Variants in MPRIP observed in about 807,000 individuals in gnomAD.
MPRIP encodes myosin phosphatase Rho interacting protein.
In MPRIP, 59 loss-of-function variants were observed where a neutral mutation model predicts 234.9. The observed-to-expected ratio is 0.25, with a 90% confidence interval of 0.20 to 0.31. The LOEUF (loss-of-function observed/expected upper bound fraction) is 0.31, where lower values mean the gene tolerates loss of function less well. Among genes scored for constraint, MPRIP ranks in the 10% least tolerant of loss-of-function variants. The pLI, the probability that MPRIP is intolerant of heterozygous loss-of-function variation, is 1.00. For synonymous variants in MPRIP, 1,144 were observed against 1,263.9 expected, an observed-to-expected ratio of 0.91 and a Z score of 2.01; for missense variants, 2,436 against 3,071.0, an observed-to-expected ratio of 0.79 and a Z score of 4.89.
At chr17:17,046,296 C>T (rs1437405247) in intron 1 of MPRIP, among the ~76,000 whole-genome samples, 1 of 152,152 alleles carries the variant, frequency 6.6e-6, no homozygotes, top group Admixed American at 6.5e-5. Context: ...TATTGATAGA[C>T]ATCAAGGTTG....
intron 7 of MPRIP, among the ~76,000 whole-genome samples, chr17:17,140,919 C>G (rs2090801592): frequency 6.6e-6 from 1 of 152,172 alleles, no homozygotes; most frequent in African/African-American, 2.4e-5. Flanking sequence ...TCTGTGCTGA[C>G]CAGTAAGGTG....
chr17:17,168,228 C>G, intron 16 of MPRIP: 1 of 286,694 alleles, frequency 3.5e-6, no homozygotes, highest in South Asian at 3.3e-5. Context: ...TGAGAGCAGC[C>G]CCCAATCCCC....
chr17:17,168,729 T>G (rs546177085), intron 16 of MPRIP: 1 of 401,492 alleles, frequency 2.5e-6, no homozygotes, highest in East Asian at 7.2e-5. Context: ...ACCTGTGCCC[T>G]TATGTTCCTT....
chr17:17,166,490 G>A lies in MPRIP; in HGVS notation c.4899G>A (p.Arg1633=). 7.7e-7 allele frequency: 1 copy of A among 1,304,310 alleles called. No individual in the cohort carries two copies. The highest frequency in any genetic ancestry group is 1.0e-6 in the Non-Finnish European group (1 of 988,972). The allele number at this position is 1,304,310 out of a possible 1,614,324, so 80.8% of individuals were successfully genotyped here. A position where few individuals can be genotyped will look rare whatever the true frequency, so the allele number is the denominator to read the frequency against. Residue 1633 remains arginine, a synonymous_variant, in exon 16 of 24, where the codon AGG becomes AGA. Coordinates refer to ENST00000651222, the MANE Select transcript of MPRIP (RefSeq NM_001364716.4). This position sits in a 1 kb window ranked among gnomAD's most constrained non-coding sequence, Gnocchi z 4.4. ...TCTGGAGCCAGGTTGAGTCTCTGAG[G>A]AAGCACTTGGGGACACTGGGAGGAG... ...GEFWSQVESL[R]KHLGTLGGEA...
At chr17:17,175,506 G>A in intron 20 of MPRIP, 94 bp downstream of exon 20, 1 of 1,406,294 alleles carries the variant, frequency 7.1e-7, no homozygotes, top group Non-Finnish European at 9.4e-7. Context: ...GGTTGTGGGA[G>A]GAACAGACCT....
intron 3 of MPRIP, among the ~76,000 whole-genome samples, chr17:17,080,770 T>C (rs1159866125): frequency 6.6e-6 from 1 of 152,248 alleles, no homozygotes; most frequent in Non-Finnish European, 1.5e-5. Context: ...AAAATGAAAA[T>C]GTAAATGTGA....
At chr17:17,106,881 G>C (rs2090073186) in intron 3 of MPRIP, among the ~76,000 whole-genome samples, 1 of 152,164 alleles carries the variant, frequency 6.6e-6, no homozygotes, top group South Asian at 2.1e-4. Context: ...AGCAGATTGG[G>C]AATTCCCAGT....
chr17:17,094,281 T>C (rs1347540711), intron 3 of MPRIP, among the ~76,000 whole-genome samples: 1 of 152,212 alleles, frequency 6.6e-6, no homozygotes, highest in Admixed American at 6.5e-5. Flanking sequence ...TGTAGAATGT[T>C]AGATGGGACC....
At chr17:17,113,568 C>T (rs2090216221) in intron 3 of MPRIP, among the ~76,000 whole-genome samples, 1 of 152,178 alleles carries the variant, frequency 6.6e-6, no homozygotes, top group Non-Finnish European at 1.5e-5. Flanking sequence ...GAGCTGCTTC[C>T]ATCTGTTGGC....
In MPRIP at chr17:17,164,395, G is replaced by A. The variant is rs749848879; in HGVS notation, c.2804G>A (p.Arg935His). 9.3e-6 allele frequency: 12 copies of A among 1,288,436 alleles called. No individual in the cohort carries two copies. In the Admixed American group the frequency reaches 1.2e-4, roughly 12 times the overall value. The allele number at this position is 1,288,436 out of a possible 1,614,324, so 79.8% of individuals were successfully genotyped here. A position where few individuals can be genotyped will look rare whatever the true frequency, so the allele number is the denominator to read the frequency against. ...CTGAAGCGGGAGCAGGGCCGGGTCC[G>A]CGAGCAGCTGGAGGAGCGGCAACAC... ...GDLKREQGRV[R>H]EQLEERQHSE... Residue 935 changes from arginine to histidine, a missense_variant, in exon 16 of 24, where the codon CGC becomes CAC. Arg to His is a conservative substitution (Grantham distance 29). Coordinates refer to ENST00000651222, the MANE Select transcript of MPRIP (RefSeq NM_001364716.4).
At chr17:17,050,638 C>T (rs2088510039) in intron 1 of MPRIP, among the ~76,000 whole-genome samples, 1 of 152,238 alleles carries the variant, frequency 6.6e-6, no homozygotes, top group Non-Finnish European at 1.5e-5. Context: ...CCCCACTCCT[C>T]CTTGGCCCTT....
chr17:17,160,653 CTT>C (rs1315014735), intron 14 of MPRIP, among the ~76,000 whole-genome samples: 1 of 152,222 alleles, frequency 6.6e-6, no homozygotes, highest in Admixed American at 6.5e-5. Context: ...TGCGGGAACT[CTT>C]TTTGCAAACA....
chr17:17,171,342 C>T (rs562650654), intron 16 of MPRIP: 181 of 183,818 alleles, frequency 9.8e-4, no homozygotes, highest in Middle Eastern at 8.0e-3. Context: ...TGCCCACGTG[C>T]TCTCTCTTCC....
At chr17:17,163,344 A>G (rs2045913635) in intron 15 of MPRIP, among the ~76,000 whole-genome samples, 2 of 151,952 alleles carry the variant, frequency 1.3e-5, no homozygotes, top group Admixed American at 1.3e-4. Flanking sequence ...TCCCTATATT[A>G]ATGAGTTCTG....
intron 3 of MPRIP, among the ~76,000 whole-genome samples, chr17:17,082,584 C>T (rs570544106): frequency 7.0e-4 from 107 of 152,264 alleles, no homozygotes; most frequent in African/African-American, 2.3e-3. Context: ...CATGAGCCAC[C>T]GTGCCCGGTC....
chr17:17,137,301 G>T (rs1022520089), intron 6 of MPRIP, among the ~76,000 whole-genome samples: 1 of 152,116 alleles, frequency 6.6e-6, no homozygotes, highest in African/African-American at 2.4e-5. Context: ...AACACCTGAG[G>T]TCAGGAGTTT....
At chr17:17,105,373 A>T (rs2090042736) in intron 3 of MPRIP, among the ~76,000 whole-genome samples, 1 of 152,188 alleles carries the variant, frequency 6.6e-6, no homozygotes, top group South Asian at 2.1e-4. Context: ...GTGGGGTCAC[A>T]TATCTTTCTA....
chr17:17,073,908 A>G (rs2089263793), intron 1 of MPRIP, among the ~76,000 whole-genome samples: 1 of 152,176 alleles, frequency 6.6e-6, no homozygotes, highest in African/African-American at 2.4e-5. Context: ...CAGCAAAGCA[A>G]GCCTCTCCTG....
intron 3 of MPRIP, among the ~76,000 whole-genome samples, chr17:17,121,806 T>G (rs1204468032): frequency 2.0e-5 from 3 of 152,230 alleles, no homozygotes; most frequent in Non-Finnish European, 2.9e-5. Flanking sequence ...ATCTTCTCCC[T>G]CTTCCCACCC....
Sources: gnomAD v4.1 joint callset for allele counts (sites outside exome capture counted in the v4.1 genomes callset) on GRCh38, gnomAD v4.1.1 for gene constraint, Gnocchi (gnomAD v3.1) non-coding constraint, MANE v1.5 for transcripts, NCBI Gene and HGNC (gene_info 2026-07-23, HGNC 2026-07-21) for gene names.